Variants in GNAS observed in about 807,000 individuals in gnomAD.
GNAS encodes the protein protein ALEX.
A neutral mutation model predicts 54.5 loss-of-function variants in GNAS; 8 were observed. The ratio of observed to expected loss-of-function variants is 0.15; its 90% CI spans 0.09 to 0.26. The LOEUF (loss-of-function observed/expected upper bound fraction) is 0.26, where lower values mean the gene tolerates loss of function less well. Ranked by LOEUF, GNAS falls within the 10% of genes least tolerant of loss-of-function variation. The probability of loss-of-function intolerance (pLI) is 1.00; values close to 1 mark genes in which losing one functional copy is unlikely to be tolerated. For synonymous variants in GNAS, 204 were observed against 191.4 expected (o/e 1.07, Z -0.54); for missense variants, 170 against 529.8 (o/e 0.32, Z 6.67).
rs2085700327 is a variant in GNAS, at chr20:58,841,044, C to A, written c.43+158C>A. 6.6e-6 allele frequency among the ~76,000 whole-genome samples: 1 copy of A among 152,072 alleles called. No individual in the cohort carries two copies. Among genetic ancestry groups the A allele is most frequent in the Non-Finnish European group, 1.5e-5 (1 of 68,010 alleles). ...GGGGGTCAGGGTGAGGCGGCGAGGGCTCCCCCAAACTTCCCAGGATGCCAG... is the reference window on the plus strand; with the variant it reads ...GGGGGTCAGGGTGAGGCGGCGAGGGATCCCCCAAACTTCCCAGGATGCCAG... On this transcript the variant is annotated intron_variant, in intron 1 of 12. Coordinates refer to the GNAS transcript ENST00000306090. The surrounding 1 kb of genome is among the most constrained non-coding windows in gnomAD (Gnocchi z 5.0).
chr20:58,888,114 C>T (rs181939186), upstream of GNAS, among the ~76,000 whole-genome samples: 1 of 152,178 alleles, frequency 6.6e-6, no homozygotes, highest in East Asian at 1.9e-4. Flanking sequence ...TCTTTTTTCT[C>T]CTTCTCCATC....
At chr20:58,907,418 A>G (rs1057034394) in intron 6 of GNAS, among the ~76,000 whole-genome samples, 1 of 152,224 alleles carries the variant, frequency 6.6e-6, no homozygotes, top group African/African-American at 2.4e-5. Flanking sequence ...TAATTATAGT[A>G]ACGCAAAACA....
chr20:58,904,717 T>C (rs903178647), intron 5 of GNAS, among the ~76,000 whole-genome samples: 4 of 152,234 alleles, frequency 2.6e-5, no homozygotes, highest in Admixed American at 1.3e-4. Context: ...TTTAGTGGTA[T>C]ATAGTTAGTA....
intron 1 of GNAS, 190 bp downstream of exon 1, chr20:58,892,055 T>C (rs2089446979): frequency 2.4e-6 from 2 of 848,600 alleles, no homozygotes; most frequent in Non-Finnish European, 2.8e-6. Context: ...GGGCGGGGGC[T>C]CAAAAACGGG....
At chr20:58,878,912 T>TGGGGGGGGGTGGGGGG (rs11086659) in intron 1 of GNAS, among the ~76,000 whole-genome samples, 1 of 95,324 alleles carries the variant, frequency 1.0e-5, no homozygotes, top group Non-Finnish European at 2.2e-5. Flanking sequence ...GGGGTGCGGG[T>TGGGGGGGGGTGGGGGG]GGGGGGGGGA....
intron 1 of GNAS, among the ~76,000 whole-genome samples, chr20:58,872,894 T>C (rs2087561603): frequency 6.6e-6 from 1 of 152,162 alleles, no homozygotes; most frequent in Admixed American, 6.5e-5. Flanking sequence ...AAAAATAAAA[T>C]CAAAATTTCA....
chr20:58,903,482 A>G (rs769919268), intron 3 of GNAS, 49 bp from the exon 4 acceptor site: 2 of 1,462,522 alleles, frequency 1.4e-6, no homozygotes, highest in East Asian at 2.3e-5. Context: ...CAGTACTCCT[A>G]ACTGACATGG....
Position 58,840,885 on chromosome 20 carries a change from A to G in GNAS, c.42A>G (p.Ser14=). The G allele has an allele frequency of 6.2e-7, 1 of 1,612,454 alleles. No homozygotes were observed. The highest frequency in any genetic ancestry group is 8.5e-7 in the Non-Finnish European group (1 of 1,179,834). ...AGATTCTCCTTGTTTTCATGGATTC[A>G]GGTTAGTTGCCCACCGCTAAACTGG... is the stretch of plus-strand genomic sequence containing the variant. The change falls in exon 1 of 13, where the codon TCA becomes TCG. Residue 14 remains serine, a splice_region_variant and synonymous_variant. Transcript: ENST00000306090. The surrounding 1 kb of genome is among the most constrained non-coding windows in gnomAD (Gnocchi z 6.0).
intron 1 of GNAS, chr20:58,842,364 G>C: frequency 5.0e-6 from 2 of 398,070 alleles, no homozygotes; most frequent in Non-Finnish European, 4.4e-6. Flanking sequence ...AAAGCGTTTT[G>C]AGGGCTTGAG....
chr20:58,845,627 A>G (rs1054179624), intron 1 of GNAS, among the ~76,000 whole-genome samples: 1 of 149,892 alleles, frequency 6.7e-6, no homozygotes, highest in Non-Finnish European at 1.5e-5. Flanking sequence ...AAAAGGCCAT[A>G]TGTGGGGGGT....
At chr20:58,903,084 C>G in intron 3 of GNAS, 1 of 333,806 alleles carries the variant, frequency 3.0e-6, no homozygotes, top group South Asian at 2.5e-5. Context: ...CACTGGTTCT[C>G]TCAGTATGCT....
At chr20:58,861,333 A>C (rs753611914) in intron 1 of GNAS, among the ~76,000 whole-genome samples, 1 of 152,240 alleles carries the variant, frequency 6.6e-6, no homozygotes, top group Non-Finnish European at 1.5e-5. Context: ...CTCACCATCA[A>C]TTAAGACAAG....
chr20:58,862,620 A>G (rs901691136), intron 1 of GNAS, among the ~76,000 whole-genome samples: 1 of 151,142 alleles, frequency 6.6e-6, no homozygotes, highest in Non-Finnish European at 1.5e-5. Flanking sequence ...GACTATTAAC[A>G]TGTAAGTTCT....
At chr20:58,900,800 C>T (rs2090539566) in intron 3 of GNAS, among the ~76,000 whole-genome samples, 1 of 152,190 alleles carries the variant, frequency 6.6e-6, no homozygotes, top group African/African-American at 2.4e-5. Flanking sequence ...ATAATATCTC[C>T]ATCTACATAG....
intron 3 of GNAS, among the ~76,000 whole-genome samples, chr20:58,902,049 A>C (rs6026591): frequency 6.6e-6 from 1 of 151,050 alleles, no homozygotes; most frequent in Non-Finnish European, 1.5e-5. Flanking sequence ...AAGATTAAAA[A>C]ATATATATAT....
chr20:58,892,721 C>T (rs1467490631), intron 1 of GNAS, among the ~76,000 whole-genome samples: 2 of 151,996 alleles, frequency 1.3e-5, no homozygotes, highest in African/African-American at 4.8e-5. Context: ...AAAATAAGAC[C>T]ACCCCCCAAC....
Position 58,910,261 on chromosome 20 carries a change from G to A in GNAS, c.971-73G>A, listed in dbSNP as rs2091348020. The A allele has an allele frequency of 2.3e-6, 3 of 1,306,600 alleles. No homozygotes were observed. The highest frequency in any genetic ancestry group is 2.4e-5 in the South Asian group (2 of 85,032). 80.9% of individuals were successfully genotyped at this position (1,306,600 alleles called of 1,614,324 possible). On this transcript the variant is annotated intron_variant, in intron 11 of 12. Transcript: ENST00000371085. The surrounding 1 kb of genome is among the most constrained non-coding windows in gnomAD (Gnocchi z 5.8). ...AATCAGGGTTTTGAAGACTTCAGGAGCTACAGAGATGCTAGCACCCCAGCT... is the reference window on the plus strand; with the variant it reads ...AATCAGGGTTTTGAAGACTTCAGGAACTACAGAGATGCTAGCACCCCAGCT...
chr20:58,893,240 T>C (rs2089689415), intron 1 of GNAS, among the ~76,000 whole-genome samples: 2 of 146,356 alleles, frequency 1.4e-5, no homozygotes, highest in African/African-American at 5.4e-5. Flanking sequence ...CGATTTTTCC[T>C]CTGATTAAAA....
intron 1 of GNAS, chr20:58,854,832 A>T: frequency 6.3e-7 from 1 of 1,595,138 alleles, no homozygotes; most frequent in Non-Finnish European, 8.5e-7. Flanking sequence ...CTCCGGGGCC[A>T]GACGCAAGAT....
Sources: allele counts gnomAD v4.1 joint callset (sites outside exome capture counted in the v4.1 genomes callset), GRCh38; gene constraint gnomAD v4.1.1; non-coding constraint Gnocchi (gnomAD v3.1); transcripts MANE v1.5; gene names NCBI Gene and HGNC (gene_info 2026-07-23, HGNC 2026-07-21).